The following MARCHF1 variants were observed in gnomAD, a reference collection of about 807,000 sequenced individuals.
The protein encoded by MARCHF1 is membrane associated ring-CH-type finger 1.
In MARCHF1, 40 loss-of-function variants were observed where a neutral mutation model predicts 54.2. The observed-to-expected ratio is 0.74, with a 90% CI of 0.57 to 0.96. The LOEUF (loss-of-function observed/expected upper bound fraction) is 0.96, where lower values mean the gene tolerates loss of function less well. Among genes scored for constraint, MARCHF1 ranks in the 40% least tolerant of loss-of-function variants. The pLI is 0.00. For synonymous variants in MARCHF1, 236 were observed against 236.3 expected, an observed-to-expected ratio of 1.00 and a Z score of 0.01; for missense variants, 586 against 656.5, an observed-to-expected ratio of 0.89 and a Z score of 1.17.
At chr4:163,787,158 A>G (rs569408382) in intron 4 of MARCHF1, among the ~76,000 whole-genome samples, 2 of 152,052 alleles carry the variant, frequency 1.3e-5, no homozygotes, top group African/African-American at 2.4e-5. Context: ...GATTTCAGCC[A>G]TTGTTTTTGG....
At position 163,936,657 on chromosome 4, in the gene MARCHF1, CTG is replaced by C. The variant is rs764848566; in HGVS notation, c.-39+51842_-39+51843del. Among the ~76,000 whole-genome samples the C allele has an allele frequency of 3.2e-4, 48 of 152,138 alleles. 1 individual carries two copies. Among genetic ancestry groups the C allele is most frequent in the Admixed American group, 2.0e-4 (3 of 15,264 alleles). On this transcript the variant is annotated intron_variant, in intron 3 of 9. Coordinates refer to ENST00000514618, the MANE Select transcript of MARCHF1 (RefSeq NM_001394959.1). ...CACTACCCATCTGCTTTTGGTATCT[CTG>C]TGTGTGCACATCAAGGCTGGTTCTG...
chr4:164,140,823 G>A (rs1195569173), intron 1 of MARCHF1, among the ~76,000 whole-genome samples: 1 of 152,026 alleles, frequency 6.6e-6, no homozygotes, highest in Admixed American at 6.6e-5. Context: ...GCTACACCTA[G>A]ATGCCTATAC....
At chr4:163,605,465 A>T (rs921502802) in intron 7 of MARCHF1, among the ~76,000 whole-genome samples, 1 of 152,180 alleles carries the variant, frequency 6.6e-6, no homozygotes, top group Non-Finnish European at 1.5e-5. Context: ...GTGGGAGTGT[A>T]AATTAGTTTA....
At chr4:163,853,942 A>G (rs914303565) in intron 4 of MARCHF1, 79 bp downstream of exon 4, 5 of 1,240,102 alleles carry the variant, frequency 4.0e-6, no homozygotes, top group South Asian at 1.4e-5. Flanking sequence ...ACATTTACTT[A>G]TAAGGTCATC....
At chr4:163,716,736 C>G (rs190473688) in intron 4 of MARCHF1, among the ~76,000 whole-genome samples, 11 of 152,258 alleles carry the variant, frequency 7.2e-5, no homozygotes, top group Admixed American at 3.9e-4. Context: ...AGAGTATCAC[C>G]TAACAATCAA....
At chr4:163,841,318 A>C (rs1180727193) in intron 4 of MARCHF1, among the ~76,000 whole-genome samples, 1 of 152,088 alleles carries the variant, frequency 6.6e-6, no homozygotes, top group Non-Finnish European at 1.5e-5. Flanking sequence ...ACTATAACAA[A>C]TGGACCACTT....
intron 1 of MARCHF1, among the ~76,000 whole-genome samples, chr4:164,118,404 A>G (rs1390254303): frequency 6.6e-6 from 1 of 151,034 alleles, no homozygotes; most frequent in African/African-American, 2.4e-5. Flanking sequence ...AAGTGGAAAA[A>G]GATATAAATA....
chr4:164,149,793 G>A (rs1729882970), intron 1 of MARCHF1, among the ~76,000 whole-genome samples: 1 of 152,120 alleles, frequency 6.6e-6, no homozygotes, highest in Non-Finnish European at 1.5e-5. Context: ...AATTTAAATG[G>A]TTTGAGGTGT....
chr4:163,866,505 AAT>A (rs1440768199), intron 3 of MARCHF1, among the ~76,000 whole-genome samples: 4 of 112,244 alleles, frequency 3.6e-5, no homozygotes, highest in African/African-American at 1.1e-4. Flanking sequence ...TAGTTTATAT[AAT>A]ATATATAATA....
intron 3 of MARCHF1, among the ~76,000 whole-genome samples, chr4:163,886,295 CTT>C (rs1408668252): frequency 7.0e-6 from 1 of 142,540 alleles, no homozygotes; most frequent in Non-Finnish European, 1.5e-5. Flanking sequence ...AGATATATCT[CTT>C]AATAGACATA....
rs61025118 is a variant in MARCHF1, at chr4:163,924,644, C to T, written c.-39+63857G>A. On this transcript the variant is annotated intron_variant, in intron 3 of 9. Coordinates refer to ENST00000514618, the MANE Select transcript of MARCHF1 (RefSeq NM_001394959.1). ...GACCTTACTCATTTGATCATGTTGA[C>T]AATAGTATGAGGTGGGTGTAAATAC... 0.017 allele frequency among the ~76,000 whole-genome samples: 2,644 copies of T among 151,772 alleles called. 137 individuals carry two copies. The East Asian group carries it at 0.19, about 11-fold the overall frequency.
chr4:164,141,586 C>A lies in MARCHF1; in HGVS notation c.-322-29924G>T, dbSNP rs1038067687. On this transcript the variant is annotated intron_variant, in intron 1 of 9. Transcript: ENST00000514618. ...TCTTACGGAAAAAAGAAGACATTCA[C>A]CCCTACAAGTCGCAACATAGAGCCC... Among the ~76,000 whole-genome samples the A allele has an allele frequency of 7.2e-5, 11 of 152,230 alleles. 1 individual carries two copies. Among genetic ancestry groups the A allele is most frequent in the African/African-American group, 2.7e-4 (11 of 41,470 alleles).
rs57733725 is a variant in MARCHF1 at position 163,866,466 on chromosome 4, T to TTATA, written c.-38-12301_-38-12298dup. On this transcript the variant is annotated intron_variant, in intron 3 of 9. Transcript: ENST00000514618. ...ACGTGTTCTGATTATAAAGCTGTAG[T>TTATA]TATATATATATATATAATAGGACTG... Among the ~76,000 whole-genome samples, 891 of 124,376 alleles carry TTATA rather than the reference T, an allele frequency of 7.2e-3. 32 individuals are homozygous for TTATA. The highest frequency in any genetic ancestry group is 0.03 in the East Asian group (120 of 3,976). The allele number at this position is 124,376 out of a possible 152,430, so 81.6% of individuals were successfully genotyped here. A position where few individuals can be genotyped will look rare whatever the true frequency, so the allele number is the denominator to read the frequency against.
intron 1 of MARCHF1, among the ~76,000 whole-genome samples, chr4:164,304,515 A>G (rs969312871): frequency 1.3e-5 from 2 of 152,342 alleles, no homozygotes; most frequent in East Asian, 1.9e-4. Context: ...GATCTGGCAC[A>G]GAATTCTTTA....
intron 1 of MARCHF1, among the ~76,000 whole-genome samples, chr4:164,142,614 G>T (rs543786966): frequency 4.2e-4 from 64 of 152,242 alleles, no homozygotes; most frequent in African/African-American, 1.5e-3. Flanking sequence ...TGAGGGTCCT[G>T]TCTGTTAGAA....
intron 9 of MARCHF1, 63 bp from the exon 10 acceptor site, chr4:163,529,109 T>TC: frequency 7.4e-7 from 1 of 1,351,390 alleles, no homozygotes; most frequent in Non-Finnish European, 1.0e-6. Flanking sequence ...GGTCATTTTT[T>TC]TTTTCTATGA....
intron 1 of MARCHF1, among the ~76,000 whole-genome samples, chr4:164,113,932 C>T (rs945804481): frequency 1.3e-5 from 2 of 151,722 alleles, no homozygotes; most frequent in Admixed American, 1.3e-4. Flanking sequence ...AACTGTTTAA[C>T]CCCAAAATAG....
chr4:163,934,969 T>C (rs910459977), intron 3 of MARCHF1, among the ~76,000 whole-genome samples: 2 of 152,182 alleles, frequency 1.3e-5, no homozygotes, highest in African/African-American at 4.8e-5. Flanking sequence ...AATCACTATC[T>C]ATGGCAGCTA....
Position 164,320,945 on chromosome 4 carries a change from A to T in MARCHF1, c.-323+62925T>A, listed in dbSNP as rs112902012. 3.8e-3 allele frequency among the ~76,000 whole-genome samples: 571 copies of T among 152,264 alleles called. 5 individuals are homozygous for T. Among genetic ancestry groups the T allele is most frequent in the African/African-American group, 0.013 (542 of 41,560 alleles). On this transcript the variant is annotated intron_variant, in intron 1 of 9. Coordinates refer to ENST00000514618, the MANE Select transcript of MARCHF1 (RefSeq NM_001394959.1). The stretch of plus-strand genomic sequence containing the variant: ...AGCAAAGCGTTGGCTAGAGTCTCGG[A>T]ATAGAGATCTTATACAGCTTTTCTC...
Sources: allele counts gnomAD v4.1 joint callset (sites outside exome capture counted in the v4.1 genomes callset), GRCh38; gene constraint gnomAD v4.1.1; transcripts MANE v1.5; gene names NCBI Gene and HGNC (gene_info 2026-07-23, HGNC 2026-07-21).